Variants in SLC7A1 observed in about 807,000 individuals in gnomAD.
SLC7A1 encodes the protein solute carrier family 7 member 1, also known as high affinity cationic amino acid transporter 1.
In SLC7A1, 10 loss-of-function variants were observed where a neutral mutation model predicts 53.9. The ratio of observed to expected loss-of-function variants is 0.19; its 90% CI spans 0.11 to 0.31. SLC7A1 has a LOEUF of 0.31. Ranked by LOEUF, SLC7A1 falls within the 10% of genes least tolerant of loss-of-function variation. The probability of loss-of-function intolerance (pLI) is 1.00; values close to 1 mark genes in which losing one functional copy is unlikely to be tolerated. For synonymous variants in SLC7A1, 342 were observed against 338.7 expected (o/e 1.01, Z -0.11); for missense variants, 525 against 827.2 (o/e 0.63, Z 4.48).
intron 1 of SLC7A1, among the ~76,000 whole-genome samples, chr13:29,555,677 G>T (rs1330153140): frequency 1.3e-5 from 2 of 150,540 alleles, no homozygotes; most frequent in Admixed American, 6.6e-5. Flanking sequence ...AAAAGGGGGG[G>T]CGGGCAGAAT....
At chr13:29,555,988 C>T (rs1273147376) in intron 1 of SLC7A1, among the ~76,000 whole-genome samples, 1 of 152,200 alleles carries the variant, frequency 6.6e-6, no homozygotes, top group Non-Finnish European at 1.5e-5. Flanking sequence ...ACCGAGATGG[C>T]TTCAGATTCC....
rs145730520 is a variant in SLC7A1, at chr13:29,543,248, C to T, written c.-14-7046G>A. The stretch of plus-strand genomic sequence containing the variant: ...TCATGGGGGAAAAAAGGTGGCCTTC[C>T]ATCAAGAAGTACAGAGGCACAGAGC... On this transcript the variant is annotated intron_variant, in intron 2 of 12. Coordinates refer to ENST00000380752, the MANE Select transcript of SLC7A1 (RefSeq NM_003045.5). Among the ~76,000 whole-genome samples, 525 of 152,318 alleles carry T rather than the reference C, an allele frequency of 3.4e-3. 3 individuals carry two copies. The highest frequency in any genetic ancestry group is 6.0e-3 in the Non-Finnish European group (405 of 68,030).
At chr13:29,561,715 A>G (rs1038299441) in intron 1 of SLC7A1, among the ~76,000 whole-genome samples, 2 of 152,200 alleles carry the variant, frequency 1.3e-5, no homozygotes, top group African/African-American at 4.8e-5. Flanking sequence ...TGGAACCACA[A>G]GGGCAGGCCC....
chr13:29,525,777 C>G (rs910650689), intron 5 of SLC7A1, among the ~76,000 whole-genome samples: 2 of 152,178 alleles, frequency 1.3e-5, no homozygotes, highest in South Asian at 4.1e-4. Flanking sequence ...TGTGGCCAAA[C>G]AAAATTTTAG....
intron 1 of SLC7A1, among the ~76,000 whole-genome samples, chr13:29,585,606 T>C (rs7320543): frequency 0.022 from 3,390 of 152,268 alleles, 105 homozygotes; most frequent in African/African-American, 0.077. Flanking sequence ...AGTACCAGTG[T>C]GTGCGGGTAA....
In SLC7A1 at chr13:29,523,475, C is replaced by A. The variant is rs1181084798; in HGVS notation, c.840G>T (p.Lys280Asn). 3.7e-6 allele frequency: 6 copies of A among 1,613,098 alleles called. No individual in the cohort carries two copies. Among genetic ancestry groups the A allele is most frequent in the Non-Finnish European group, 5.1e-6 (6 of 1,179,302 alleles). ...CCACGGGGATGGCCTTCTGTGGGTT[C>A]TTCACCTCTTCACCTAGAAGCACAA... Reference protein sequence around the residue: ...DCIATTGEEVKNPQKAIPVGI... With the variant: ...DCIATTGEEVNNPQKAIPVGI... The change falls in exon 7 of 13, where the codon AAG (lysine) becomes AAT (asparagine). Residue 280 changes from lysine (K) to asparagine (N), a missense_variant. This residue lies in a region of SLC7A1 where 354 missense variants were observed against 587.5 expected (regional missense o/e 0.60). Coordinates refer to ENST00000380752, the MANE Select transcript of SLC7A1 (RefSeq NM_003045.5).
chr13:29,538,907 C>T (rs950149084), intron 2 of SLC7A1, among the ~76,000 whole-genome samples: 9 of 151,546 alleles, frequency 5.9e-5, no homozygotes, highest in Non-Finnish European at 7.4e-5. Context: ...GCTCTTGTTT[C>T]GGATCTGGCT....
At chr13:29,539,466 G>A (rs1407311799) in intron 2 of SLC7A1, among the ~76,000 whole-genome samples, 1 of 152,180 alleles carries the variant, frequency 6.6e-6, no homozygotes, top group African/African-American at 2.4e-5. Flanking sequence ...CTTATGCTGG[G>A]GGGACCTCTG....
At chr13:29,591,800 C>G (rs1566280636) in intron 1 of SLC7A1, among the ~76,000 whole-genome samples, 1 of 152,208 alleles carries the variant, frequency 6.6e-6, no homozygotes, top group East Asian at 1.9e-4. Context: ...CAAATAAACC[C>G]CCAGGTTTCC....
At chr13:29,594,913 C>T (rs369331946) in intron 1 of SLC7A1, among the ~76,000 whole-genome samples, 1 of 152,198 alleles carries the variant, frequency 6.6e-6, no homozygotes, top group African/African-American at 2.4e-5. Flanking sequence ...CGGGCAGAGT[C>T]CCCACCCACG....
At chr13:29,578,375 T>A (rs1871496769) in intron 1 of SLC7A1, among the ~76,000 whole-genome samples, 2 of 152,188 alleles carry the variant, frequency 1.3e-5, no homozygotes, top group South Asian at 4.1e-4. Context: ...CAGCTGAGTG[T>A]GCTCTGTTCA....
intron 10 of SLC7A1, 36 bp from the exon 11 acceptor site, chr13:29,517,346 A>T: frequency 6.3e-7 from 1 of 1,579,824 alleles, no homozygotes; most frequent in Admixed American, 1.8e-5. Flanking sequence ...GCTGCAACTC[A>T]ACCATTTCCC....
chr13:29,589,915 A>G (rs1307306080), intron 1 of SLC7A1, among the ~76,000 whole-genome samples: 1 of 152,222 alleles, frequency 6.6e-6, no homozygotes, highest in East Asian at 1.9e-4. Context: ...GTGGTTAGGA[A>G]GATTCAAATG....
At chr13:29,516,452 T>C (rs762490417) in intron 11 of SLC7A1, among the ~76,000 whole-genome samples, 7 of 152,014 alleles carry the variant, frequency 4.6e-5, no homozygotes, top group Non-Finnish European at 8.8e-5. Flanking sequence ...CAAGGGTACA[T>C]CTTAGTAGGT....
Position 29,519,499 on chromosome 13 carries a change from T to G in SLC7A1, c.1240A>C (p.Ile414Leu). The G allele has an allele frequency of 1.2e-6, 2 of 1,613,746 alleles. No homozygotes were observed. The highest frequency in any genetic ancestry group is 1.7e-6 in the Non-Finnish European group (2 of 1,179,788). The change falls in exon 9 of 13, where the codon ATT becomes CTT. Residue 414 changes from isoleucine to leucine, a missense_variant. This residue lies in a region of SLC7A1 where 354 missense variants were observed against 587.5 expected (regional missense o/e 0.60). Transcript: ENST00000380752. ...DLKDLVDLMS[I>L]GTLLAYSLVA... ...AACGAGTAAGCCAGGAGAGTGCCAATGGACATGAGGTCCACCAAGTCCTTC... is the reference window on the plus strand; with the variant it reads ...AACGAGTAAGCCAGGAGAGTGCCAAGGGACATGAGGTCCACCAAGTCCTTC...
In SLC7A1 at chr13:29,524,125, G is replaced by T. The variant is rs1868769828; in HGVS notation, c.826+7C>A. Reference sequence around the variant, plus strand: ...GGACCCGGGACCGCAGTGGCTGGCGGACATACCTGTGGTGGCGATGCAGTC... The same window carrying T: ...GGACCCGGGACCGCAGTGGCTGGCGTACATACCTGTGGTGGCGATGCAGTC... On this transcript the variant is annotated splice_region_variant and intron_variant, in intron 6 of 12. Coordinates refer to ENST00000380752, the MANE Select transcript of SLC7A1 (RefSeq NM_003045.5). 1 of 1,611,918 alleles carries T rather than the reference G, an allele frequency of 6.2e-7. No homozygotes were observed. The highest frequency in any genetic ancestry group is 1.7e-5 in the Admixed American group (1 of 59,836).
At chr13:29,584,773 T>C (rs1871806813) in intron 1 of SLC7A1, among the ~76,000 whole-genome samples, 1 of 152,202 alleles carries the variant, frequency 6.6e-6, no homozygotes, top group Non-Finnish European at 1.5e-5. Flanking sequence ...CCATCCAACC[T>C]TTTCAAGAAG....
At chr13:29,576,850 A>T (rs1871434859) in intron 1 of SLC7A1, among the ~76,000 whole-genome samples, 1 of 152,212 alleles carries the variant, frequency 6.6e-6, no homozygotes, top group African/African-American at 2.4e-5. Flanking sequence ...GGGCAGAGGA[A>T]GGCCTGCAGC....
chr13:29,532,595 G>A (rs1869212127), intron 4 of SLC7A1, among the ~76,000 whole-genome samples: 1 of 152,188 alleles, frequency 6.6e-6, no homozygotes, highest in Non-Finnish European at 1.5e-5. Flanking sequence ...CTCTTTTAAT[G>A]AAATGGCACA....
Sources: gnomAD v4.1 joint callset for allele counts (sites outside exome capture counted in the v4.1 genomes callset) on GRCh38, gnomAD v4.1.1 for gene constraint, gnomAD v4.1.1 regional missense constraint, MANE v1.5 for transcripts, NCBI Gene and HGNC (gene_info 2026-07-23, HGNC 2026-07-21) for gene names.